KCTD1: variants seen among roughly 807,000 people sequenced by gnomAD.
KCTD1 encodes the protein potassium channel tetramerization domain containing 1.
Under a neutral mutation model 66.0 loss-of-function variants are expected in KCTD1, and 24 were observed. That is an observed-to-expected ratio of 0.36 (90% confidence interval 0.26 to 0.51). KCTD1 has a LOEUF of 0.51. Ranked by LOEUF, KCTD1 falls within the 20% of genes least tolerant of loss-of-function variation. The pLI, the probability that KCTD1 is intolerant of heterozygous loss-of-function variation, is 0.95. For synonymous variants in KCTD1, 511 were observed against 517.2 expected, an observed-to-expected ratio of 0.99 and a Z score of 0.16; for missense variants, 943 against 1,205.2, an observed-to-expected ratio of 0.78 and a Z score of 3.22.
chr18:26,528,314 G>A (rs76357204), intron 1 of KCTD1, among the ~76,000 whole-genome samples: 3,771 of 152,196 alleles, frequency 0.025, 158 homozygotes, highest in African/African-American at 0.086. Context: ...ATGGTCCCAG[G>A]ATGGTGGGGG....
At chr18:26,656,257 G>C (rs1343711078) in intron 1 of KCTD1, among the ~76,000 whole-genome samples, 2 of 151,990 alleles carry the variant, frequency 1.3e-5, no homozygotes, top group East Asian at 2.0e-4. Context: ...GGGAAGAGGC[G>C]AGCGCAGCAA....
At chr18:26,513,127 G>C (rs955455164) in intron 1 of KCTD1, among the ~76,000 whole-genome samples, 9 of 129,068 alleles carry the variant, frequency 7.0e-5, no homozygotes, top group Non-Finnish European at 1.4e-4. Context: ...TCGCTGTGTT[G>C]CCCAGGCTGG....
chr18:26,500,732 T>G (rs1982717186), intron 2 of KCTD1, among the ~76,000 whole-genome samples: 1 of 152,208 alleles, frequency 6.6e-6, no homozygotes, highest in African/African-American at 2.4e-5. Flanking sequence ...TAAGAAAGCA[T>G]GTTTTTAAAG....
Position 26,628,473 on chromosome 18 carries a change from C to A in KCTD1, c.-16+674G>T, listed in dbSNP as rs141298397. On this transcript the variant is annotated intron_variant, in intron 1 of 4. Transcript: ENST00000317932. Reference sequence around the variant, plus strand: ...GCAATTCACATTTTGTGAACAACTTCATTACAGCTCAACCAAATTTCTTCA... The same window carrying A: ...GCAATTCACATTTTGTGAACAACTTAATTACAGCTCAACCAAATTTCTTCA... Among the ~76,000 whole-genome samples, 282 of 152,162 alleles carry A rather than the reference C, an allele frequency of 1.9e-3. 1 individual carries two copies. The highest frequency in any genetic ancestry group is 6.8e-3 in the Middle Eastern group (2 of 294).
chr18:26,560,837 T>C (rs1037765337), intron 1 of KCTD1, among the ~76,000 whole-genome samples: 1 of 152,186 alleles, frequency 6.6e-6, no homozygotes, highest in African/African-American at 2.4e-5. Flanking sequence ...TCCTCTATCA[T>C]TGCTAGAAGG....
At chr18:26,575,585 C>T (rs928839218) in intron 1 of KCTD1, 16 of 152,168 alleles carry the variant, frequency 1.1e-4, no homozygotes, top group Non-Finnish European at 8.8e-5. Context: ...GTCTTTGTGA[C>T]CTGGGGAAAT....
intron 1 of KCTD1, among the ~76,000 whole-genome samples, chr18:26,535,154 T>TC (rs1249429131): frequency 6.6e-6 from 1 of 151,866 alleles, no homozygotes; most frequent in African/African-American, 2.4e-5. Context: ...GGTAAACCCT[T>TC]CCCCCATAAA....
chr18:26,483,913 G>C (rs996346492), intron 2 of KCTD1, among the ~76,000 whole-genome samples: 5 of 152,144 alleles, frequency 3.3e-5, no homozygotes, highest in African/African-American at 1.2e-4. Context: ...GAAACAAAGT[G>C]GGGGGAAGGG....
At position 26,547,164 on chromosome 18, in the gene KCTD1, A is replaced by G. The variant is rs1457407475; in HGVS notation, c.1373T>C (p.Ile458Thr). ...YTNHCIGAVSIATLNSIAGIG... is the reference protein window; with the variant it reads ...YTNHCIGAVSTATLNSIAGIG... ...GCCCGCGATGCTGTTGAGCGTGGCG[A>G]TGGAGACGGCGCCGATGCAGTGGTT... The change falls in exon 1 of 5, where the codon ATC (isoleucine) becomes ACC (threonine). Residue 458 changes from isoleucine (I) to threonine (T), a missense_variant. Around this residue, in one of 10 missense-constraint regions of KCTD1, gnomAD observed 79 missense variants for 133.9 expected, o/e 0.59. Transcript: ENST00000580059. 1.3e-6 allele frequency: 2 copies of G among 1,551,100 alleles called. No individual in the cohort carries two copies. Among genetic ancestry groups the G allele is most frequent in the Admixed American group, 3.9e-5 (2 of 51,008 alleles).
intron 1 of KCTD1, among the ~76,000 whole-genome samples, chr18:26,539,384 A>G (rs1984865224): frequency 6.6e-6 from 1 of 152,232 alleles, no homozygotes; most frequent in Non-Finnish European, 1.5e-5. Context: ...CTTTTCAAGC[A>G]CAGGGGCTGA....
At chr18:26,643,680 T>A (rs147296043), upstream of KCTD1, among the ~76,000 whole-genome samples, 3 of 152,314 alleles carry the variant, frequency 2.0e-5, no homozygotes, top group East Asian at 1.9e-4. Context: ...AGGGGCCTGC[T>A]GGCCGGGTGC....
At chr18:26,502,475 G>C in intron 1 of KCTD1, among the ~76,000 whole-genome samples, 1 of 152,170 alleles carries the variant, frequency 6.6e-6, no homozygotes. Context: ...TTACAGGCGT[G>C]AACCACCTCA....
intron 1 of KCTD1, among the ~76,000 whole-genome samples, chr18:26,635,272 C>T (rs1456814655): frequency 6.6e-6 from 1 of 152,356 alleles, no homozygotes; most frequent in East Asian, 1.9e-4. Context: ...AGGCTGTTTT[C>T]TCTTCTATAA....
At chr18:26,608,592 C>T (rs1238133194) in intron 1 of KCTD1, among the ~76,000 whole-genome samples, 2 of 152,144 alleles carry the variant, frequency 1.3e-5, no homozygotes, top group Non-Finnish European at 2.9e-5. Flanking sequence ...GGGCTGCTCC[C>T]ACCCTCTGCA....
In KCTD1 at chr18:26,501,200, A is replaced by C; in HGVS notation, c.1860T>G (p.Ser620=). The C allele has an allele frequency of 6.2e-7, 1 of 1,614,142 alleles. No homozygotes were observed. Among genetic ancestry groups the C allele is most frequent in the African/African-American group, 1.3e-5 (1 of 75,022 alleles). ...TAGGGATGCCTTGGTTGTTCAGTGG[A>C]GATGCAGGGGATCTAGTGATCAGAG... is the stretch of plus-strand genomic sequence containing the variant. ...SRPLITRSPA[S]PLNNQGIPTP... The change falls in exon 2 of 5, where the codon TCT becomes TCG. Residue 620 remains serine (S), a synonymous_variant. Transcript: ENST00000580059.
chr18:26,531,214 T>G (rs1230825070), intron 1 of KCTD1, among the ~76,000 whole-genome samples: 1 of 152,144 alleles, frequency 6.6e-6, no homozygotes, highest in Non-Finnish European at 1.5e-5. Context: ...AATGAAACAG[T>G]GAGCATGGTG....
chr18:26,527,595 C>T (rs1167251377), intron 1 of KCTD1, among the ~76,000 whole-genome samples: 2 of 151,810 alleles, frequency 1.3e-5, no homozygotes, highest in Non-Finnish European at 2.9e-5. Flanking sequence ...TGTCACTATA[C>T]GTTTGTCCAA....
upstream of KCTD1, among the ~76,000 whole-genome samples, chr18:26,631,626 T>G (rs1189094514): frequency 6.6e-6 from 1 of 152,192 alleles, no homozygotes. Context: ...TAAAAGATTA[T>G]GAGGAATTAG....
intron 4 of KCTD1, 23 bp downstream of exon 4, chr18:26,459,597 C>T (rs1388257272): frequency 3.2e-6 from 5 of 1,549,234 alleles, no homozygotes; most frequent in Non-Finnish European, 4.4e-6. Context: ...TTTGATGCCA[C>T]ACAGTGCGTA....
Sources: allele counts gnomAD v4.1 joint callset (sites outside exome capture counted in the v4.1 genomes callset), GRCh38; gene constraint gnomAD v4.1.1; regional missense constraint gnomAD v4.1.1; transcripts MANE v1.5; gene names NCBI Gene and HGNC (gene_info 2026-07-23, HGNC 2026-07-21).